The following ADAR variants were observed in gnomAD, a reference collection of about 807,000 sequenced individuals.
ADAR encodes double-stranded RNA-specific adenosine deaminase.
In ADAR, 41 loss-of-function variants were observed where a neutral mutation model predicts 113.2. The observed-to-expected ratio is 0.36, with a 90% CI of 0.28 to 0.47. The LOEUF (loss-of-function observed/expected upper bound fraction) is 0.47, where lower values mean the gene tolerates loss of function less well. ADAR is among the 20% of genes least tolerant of loss of function. The pLI, the probability that ADAR is intolerant of heterozygous loss-of-function variation, is 1.00. For missense variants in ADAR, 1,242 were observed against 1,540.9 expected (o/e 0.81, Z 3.25); for synonymous variants, 605 against 572.6 (o/e 1.06, Z -0.81).
At position 154,588,030 on chromosome 1, in the gene ADAR, C is replaced by T. The variant is rs933354767; in HGVS notation, c.3019+95G>A. ...TAAACAGCACCTCTGTGCCCAGTGA[C>T]TAATGGTAAAATCCTAGCAGCCTTG... On this transcript the variant is annotated intron_variant, in intron 11 of 14. Transcript: ENST00000368474. The T allele has an allele frequency of 3.8e-6, 6 of 1,577,070 alleles. No individual in the cohort carries two copies. The Admixed American group carries it at 8.3e-5, about 22-fold the overall frequency.
chr1:154,599,903 C>A (rs1262053138), intron 2 of ADAR, among the ~76,000 whole-genome samples: 1 of 152,248 alleles, frequency 6.6e-6, no homozygotes, highest in Non-Finnish European at 1.5e-5. Context: ...CTTCAACAGG[C>A]AGGCAGCCGT....
chr1:154,616,385 C>T (rs1010763185), intron 1 of ADAR, among the ~76,000 whole-genome samples: 4 of 152,092 alleles, frequency 2.6e-5, no homozygotes, highest in African/African-American at 9.7e-5. Context: ...TCTCTCTGTC[C>T]CCCAGCCTCC....
chr1:154,592,826 G>A (rs1258415559), intron 6 of ADAR, among the ~76,000 whole-genome samples: 5 of 151,786 alleles, frequency 3.3e-5, no homozygotes, highest in South Asian at 2.1e-4. Context: ...GCTCTGAGTG[G>A]TCTCCAGCAT....
intron 11 of ADAR, among the ~76,000 whole-genome samples, chr1:154,587,858 C>T (rs1433174504): frequency 6.6e-6 from 1 of 152,184 alleles, no homozygotes. Flanking sequence ...ATTTCTATTT[C>T]CAGCCAAGCT....
chr1:154,588,062 C>T (rs528835424), intron 11 of ADAR, 63 bp downstream of exon 11: 1 of 1,607,704 alleles, frequency 6.2e-7, no homozygotes. Flanking sequence ...CTTGTAGAGA[C>T]TTGGGGTCCC....
At chr1:154,600,800 T>G in intron 2 of ADAR, 1 of 595,404 alleles carries the variant, frequency 1.7e-6, no homozygotes, top group Non-Finnish European at 3.0e-6. Flanking sequence ...AGAAGCTTCA[T>G]TACAGCCAAC....
At chr1:154,588,980 TAAAGA>T (rs1696947047) in intron 9 of ADAR, among the ~76,000 whole-genome samples, 1 of 152,110 alleles carries the variant, frequency 6.6e-6, no homozygotes, top group African/African-American at 2.4e-5. Flanking sequence ...CTTCATAAAT[TAAAGA>T]AAAGGTGAGC....
In ADAR at chr1:154,597,232, A is replaced by C. The variant is rs1557879995; in HGVS notation, c.1970T>G (p.Phe657Cys). The change falls in exon 5 of 15, where the codon TTC (phenylalanine) becomes TGC (cysteine). Residue 657 changes from phenylalanine to cysteine, a missense_variant. Coordinates refer to ENST00000368474, the MANE Select transcript of ADAR (RefSeq NM_001111.5). ...CTTGCTGGGAGCACTCACACTGGGG[A>C]AAGTTTGGGCTCCCACTGCAACACA... Reference protein sequence around the residue: ...QYCVAVGAQTFPSVSAPSKKV... With the variant: ...QYCVAVGAQTCPSVSAPSKKV... The C allele has an allele frequency of 6.2e-7, 1 of 1,614,078 alleles. No homozygotes were observed. The highest frequency in any genetic ancestry group is 1.3e-5 in the African/African-American group (1 of 74,992).
chr1:154,585,830 T>C lies in ADAR; in HGVS notation c.3238A>G (p.Ile1080Val), dbSNP rs770037708. The change falls in exon 13 of 15, where the codon ATT becomes GTT. Residue 1080 changes from isoleucine to valine, a missense_variant. Transcript: ENST00000368474. ...LFSQGHLTRA[I>V]CCRVTRDGSA... ...CCATCTCTTGTCACACGACAGCAAATAGCACGGGTCAGATGCCCTTGGCTG... is the reference window on the plus strand; with the variant it reads ...CCATCTCTTGTCACACGACAGCAAACAGCACGGGTCAGATGCCCTTGGCTG... The C allele has an allele frequency of 1.1e-5, 18 of 1,614,096 alleles. No homozygotes were observed. The highest frequency in any genetic ancestry group is 4.5e-5 in the East Asian group (2 of 44,886).
rs758433223 is a variant in ADAR, at chr1:154,601,907, A to G, written c.735T>C (p.Phe245=). The change falls in exon 2 of 15, where the codon TTT becomes TTC. Residue 245 remains phenylalanine, a synonymous_variant. Coordinates refer to ENST00000368474, the MANE Select transcript of ADAR (RefSeq NM_001111.5). This position sits in a 1 kb window ranked among gnomAD's most constrained non-coding sequence, Gnocchi z 4.7. ...TSVSEDLLEP[F]IAVSAQAWNQ... is the part of the protein sequence containing the mutation. ...TCCAAGCCTGAGCTGAGACTGCAAT[A>G]AAAGGCTCAAGAAGATCTTCTGAGA... 3 of 1,610,030 alleles carry G rather than the reference A, an allele frequency of 1.9e-6. No homozygotes were observed. In the African/African-American group the frequency reaches 4.1e-5, roughly 22 times the overall value.
intron 1 of ADAR, among the ~76,000 whole-genome samples, chr1:154,626,305 G>A (rs1272443157): frequency 6.6e-6 from 1 of 151,850 alleles, no homozygotes; most frequent in East Asian, 1.9e-4. Flanking sequence ...AGTAGAGACG[G>A]GGTTTCACCA....
intron 9 of ADAR, 46 bp downstream of exon 9, chr1:154,589,323 G>A (rs754730060): frequency 1.3e-6 from 2 of 1,489,548 alleles, no homozygotes; most frequent in Non-Finnish European, 1.9e-6. Context: ...GGGAACTGGA[G>A]CTCTCCACAG....
upstream of ADAR, among the ~76,000 whole-genome samples, chr1:154,611,233 G>A (rs532418183): frequency 6.6e-6 from 1 of 152,224 alleles, no homozygotes; most frequent in Non-Finnish European, 1.5e-5. Flanking sequence ...ACTGTGCGAG[G>A]GAAGCTGCAC....
chr1:154,622,609 C>G (rs113104913), intron 1 of ADAR, among the ~76,000 whole-genome samples: 16 of 152,302 alleles, frequency 1.1e-4, no homozygotes, highest in African/African-American at 3.8e-4. Flanking sequence ...AGTGAAACAT[C>G]ACACAGGGTA....
At chr1:154,585,992 G>C (rs1696733621) in intron 12 of ADAR, 127 bp from the exon 13 acceptor site, 2 of 1,177,082 alleles carry the variant, frequency 1.7e-6, no homozygotes, top group Non-Finnish European at 2.5e-6. Flanking sequence ...TGCCTTGTTA[G>C]GAAGCACCTT....
intron 1 of ADAR, among the ~76,000 whole-genome samples, chr1:154,626,528 T>C (rs1219828718): frequency 6.6e-6 from 1 of 152,186 alleles, no homozygotes; most frequent in Non-Finnish European, 1.5e-5. Context: ...GCATATCATA[T>C]CTGGCAGAAT....
chr1:154,587,442 ATGC>A (rs1696836973), intron 11 of ADAR, among the ~76,000 whole-genome samples: 1 of 152,170 alleles, frequency 6.6e-6, no homozygotes, highest in South Asian at 2.1e-4. Context: ...CTTGTGAGTA[ATGC>A]TGCCATGAAC....
At chr1:154,599,250 T>G (rs1697709432) in intron 2 of ADAR, among the ~76,000 whole-genome samples, 1 of 152,254 alleles carries the variant, frequency 6.6e-6, no homozygotes, top group Non-Finnish European at 1.5e-5. Flanking sequence ...TGTTCAAGCT[T>G]TCAAATGTGG....
intron 10 of ADAR, 106 bp from the exon 11 acceptor site, chr1:154,588,364 C>T (rs1033819831): frequency 1.3e-5 from 21 of 1,565,940 alleles, no homozygotes; most frequent in Non-Finnish European, 1.8e-5. Flanking sequence ...TTTCTAAGGC[C>T]TACCATGGGA....
Sources: allele counts gnomAD v4.1 joint callset (sites outside exome capture counted in the v4.1 genomes callset), GRCh38; gene constraint gnomAD v4.1.1; non-coding constraint Gnocchi (gnomAD v3.1); transcripts MANE v1.5; gene names NCBI Gene and HGNC (gene_info 2026-07-23, HGNC 2026-07-21).